ARHGAP26: variants seen among roughly 807,000 people sequenced by gnomAD.
ARHGAP26 encodes the protein Rho GTPase activating protein 26.
ARHGAP26 carries 38 observed loss-of-function variants against 104.8 expected under a neutral mutation model. The ratio of observed to expected loss-of-function variants is 0.36; its 90% CI spans 0.28 to 0.48. The LOEUF (loss-of-function observed/expected upper bound fraction) is 0.48. ARHGAP26 is among the 20% of genes least tolerant of loss of function. The pLI is 0.99. For synonymous variants in ARHGAP26, 341 were observed against 340.0 expected (o/e 1.00, Z -0.03); for missense variants, 704 against 947.9 (o/e 0.74, Z 3.38).
At chr5:143,172,619 T>C (rs1193145659) in intron 20 of ARHGAP26, among the ~76,000 whole-genome samples, 1 of 152,230 alleles carries the variant, frequency 6.6e-6, no homozygotes, top group East Asian at 1.9e-4. Context: ...TATAGGGCTG[T>C]TACTCCCATT....
chr5:143,133,033 C>T (rs1204001988), intron 18 of ARHGAP26, among the ~76,000 whole-genome samples: 1 of 152,054 alleles, frequency 6.6e-6, no homozygotes, highest in Non-Finnish European at 1.5e-5. Context: ...CGACTGGTAC[C>T]TAAGGGAGTC....
At chr5:142,949,942 C>T (rs1768049901) in intron 11 of ARHGAP26, among the ~76,000 whole-genome samples, 1 of 152,200 alleles carries the variant, frequency 6.6e-6, no homozygotes, top group African/African-American at 2.4e-5. Context: ...CAGGTCATTT[C>T]ATGAGAATAA....
intron 6 of ARHGAP26, 135 bp downstream of exon 6, chr5:142,894,483 A>C: frequency 1.3e-6 from 1 of 774,508 alleles, no homozygotes; most frequent in South Asian, 1.8e-5. Context: ...TGTAAGTATC[A>C]GTGCTTTGCG....
At chr5:143,066,582 A>G (rs1457876082) in intron 17 of ARHGAP26, among the ~76,000 whole-genome samples, 1 of 152,176 alleles carries the variant, frequency 6.6e-6, no homozygotes, top group Non-Finnish European at 1.5e-5. Context: ...GTTTTAGGGT[A>G]TGGGAAATTG....
intron 10 of ARHGAP26, among the ~76,000 whole-genome samples, chr5:142,927,823 T>C (rs990558327): frequency 2.6e-5 from 4 of 152,196 alleles, no homozygotes; most frequent in Non-Finnish European, 5.9e-5. Context: ...TTTGCCAGTA[T>C]TGGTTATTGG....
At chr5:143,023,547 C>T (rs1360621238) in intron 12 of ARHGAP26, among the ~76,000 whole-genome samples, 1 of 152,160 alleles carries the variant, frequency 6.6e-6, no homozygotes, top group South Asian at 2.1e-4. Context: ...CTTCTAGTCA[C>T]CTTTGGCCTT....
At chr5:142,798,721 A>G (rs920676833) in intron 1 of ARHGAP26, among the ~76,000 whole-genome samples, 6 of 152,170 alleles carry the variant, frequency 3.9e-5, no homozygotes, top group African/African-American at 1.4e-4. Flanking sequence ...GTTTGTGTCT[A>G]TGTATGCACT....
At chr5:142,876,776 C>CAAAA in intron 3 of ARHGAP26, among the ~76,000 whole-genome samples, 1 of 48,456 alleles carries the variant, frequency 2.1e-5, no homozygotes, top group Non-Finnish European at 4.2e-5. Context: ...GACCCTGTGT[C>CAAAA]AAAAAAAAAA....
intron 20 of ARHGAP26, among the ~76,000 whole-genome samples, chr5:143,162,043 T>G (rs566751816): frequency 1.3e-5 from 2 of 152,028 alleles, no homozygotes. Flanking sequence ...GCCCACTAAC[T>G]CCAGCACTTT....
At chr5:143,035,029 A>G (rs749070596) in intron 12 of ARHGAP26, among the ~76,000 whole-genome samples, 3 of 152,188 alleles carry the variant, frequency 2.0e-5, no homozygotes, top group Admixed American at 6.5e-5. Flanking sequence ...ATAGCAAGTA[A>G]TCTCCAGGGA....
intron 5 of ARHGAP26, among the ~76,000 whole-genome samples, chr5:142,888,667 A>G (rs532674097): frequency 8.2e-4 from 125 of 152,288 alleles, no homozygotes; most frequent in Non-Finnish European, 1.6e-3. Context: ...CAGGGCAGTG[A>G]TGTGGAATGG....
chr5:143,088,515 CCTCCTATAA>C (rs1413104556), intron 17 of ARHGAP26, among the ~76,000 whole-genome samples: 1 of 151,560 alleles, frequency 6.6e-6, no homozygotes, highest in African/African-American at 2.4e-5. Flanking sequence ...AAGGTAAGGA[CCTCCTATAA>C]CATTTAAATT....
At chr5:142,866,515 A>G (rs2152328988) in intron 1 of ARHGAP26, among the ~76,000 whole-genome samples, 1 of 152,326 alleles carries the variant, frequency 6.6e-6, no homozygotes, top group Admixed American at 6.5e-5. Context: ...ATATATTCAT[A>G]GTTATTTGGA....
At chr5:143,034,944 A>G (rs973761293) in intron 12 of ARHGAP26, among the ~76,000 whole-genome samples, 1 of 152,222 alleles carries the variant, frequency 6.6e-6, no homozygotes, top group East Asian at 1.9e-4. Context: ...CAAATACTTT[A>G]TTTATACTGG....
intron 11 of ARHGAP26, among the ~76,000 whole-genome samples, chr5:142,999,756 C>T (rs1776936462): frequency 6.6e-6 from 1 of 151,852 alleles, no homozygotes; most frequent in African/African-American, 2.4e-5. Context: ...GATAGCCCTA[C>T]AAAAACATGA....
chr5:143,228,576 C>T lies in ARHGAP26; in HGVS notation c.*6130C>T, dbSNP rs1158611180. On this transcript the variant is annotated 3_prime_UTR_variant, in exon 23 of 23. Coordinates refer to ENST00000645722, the MANE Select transcript of ARHGAP26 (RefSeq NM_001135608.3). ...AAAAGCACTCTAAAAGACATTTTGT[C>T]CACATTTTGGAAAAGAAAATATTTG... The T allele has an allele frequency of 1.4e-5, 3 of 218,286 alleles. No homozygotes were observed. The highest frequency in any genetic ancestry group is 2.8e-5 in the Non-Finnish European group (3 of 108,492). 13.5% of individuals were successfully genotyped at this position (218,286 alleles called of 1,614,324 possible).
chr5:143,012,548 C>CATATATATATATATATATATATATATAT (rs1414408846), intron 11 of ARHGAP26, among the ~76,000 whole-genome samples: 13 of 23,338 alleles, frequency 5.6e-4, no homozygotes, highest in South Asian at 1.0e-3. Context: ...TATATACATA[C>CATATATATATATATATATATATATATAT]ATACATATAT....
chr5:143,032,943 C>T (rs1006294802), intron 12 of ARHGAP26, among the ~76,000 whole-genome samples: 4 of 152,152 alleles, frequency 2.6e-5, no homozygotes, highest in Admixed American at 6.5e-5. Context: ...AGGTTTAGAG[C>T]AGTGGTTGAT....
rs1050691531 is a variant in ARHGAP26, at chr5:143,085,651, A to G, written c.1538+27904A>G. 3.3e-5 allele frequency among the ~76,000 whole-genome samples: 5 copies of G among 152,252 alleles called. No individual in the cohort carries two copies. The South Asian group carries it at 8.3e-4, about 25-fold the overall frequency. The stretch of plus-strand genomic sequence containing the variant: ...ACTCTATTCATGCTGTCCCTGTCCC[A>G]GACTTTGAGGATAGCGGCAGCAGAT... On this transcript the variant is annotated intron_variant, in intron 17 of 22. Transcript: ENST00000645722.
Sources: allele counts gnomAD v4.1 joint callset (sites outside exome capture counted in the v4.1 genomes callset), GRCh38; gene constraint gnomAD v4.1.1; transcripts MANE v1.5; gene names NCBI Gene and HGNC (gene_info 2026-07-23, HGNC 2026-07-21).